Variants in RAB38 observed in about 807,000 individuals in gnomAD.
The protein encoded by RAB38 is RAB38, member RAS oncogene family.
A neutral mutation model predicts 18.4 loss-of-function variants in RAB38; 15 were observed. That is an observed-to-expected ratio of 0.82 (90% CI 0.55 to 1.26). RAB38 has a LOEUF of 1.26. RAB38 is among the 50% of genes most tolerant of loss of function. The pLI is 0.00. For synonymous variants in RAB38, 101 were observed against 104.4 expected, an observed-to-expected ratio of 0.97 and a Z score of 0.20; for missense variants, 294 against 267.4, an observed-to-expected ratio of 1.10 and a Z score of -0.69.
chr11:87,811,405 G>A, the RAB38 span, among the ~76,000 whole-genome samples: 8 of 152,170 alleles, frequency 5.3e-5, no homozygotes, highest in Non-Finnish European at 8.8e-5. Context: ...GGGGAACCAC[G>A]CTCATGCCTA....
At chr11:87,807,402 C>T in the RAB38 span, among the ~76,000 whole-genome samples, 65 of 152,250 alleles carry the variant, frequency 4.3e-4, no homozygotes, top group South Asian at 4.1e-3. Flanking sequence ...TACCAGAGTT[C>T]GAAAGTTTGA....
chr11:88,110,831 AAAAG>A (rs1320915490), downstream of RAB38, among the ~76,000 whole-genome samples: 2 of 151,696 alleles, frequency 1.3e-5, no homozygotes, highest in African/African-American at 2.4e-5. Context: ...AAAAAAAGAA[AAAAG>A]AAAAGAAAAG....
At chr11:87,849,954 A>G in the RAB38 span, among the ~76,000 whole-genome samples, 3 of 152,144 alleles carry the variant, frequency 2.0e-5, no homozygotes, top group African/African-American at 7.2e-5. Context: ...TCATATTTTA[A>G]TCAGCAACAA....
chr11:88,172,107 A>C (rs1298648779), intron 1 of RAB38, among the ~76,000 whole-genome samples: 1 of 152,250 alleles, frequency 6.6e-6, no homozygotes, highest in Non-Finnish European at 1.5e-5. Context: ...GCAAACAGCA[A>C]GGCTTGACTC....
chr11:88,143,345 G>T (rs1287922190), intron 2 of RAB38, among the ~76,000 whole-genome samples: 1 of 152,202 alleles, frequency 6.6e-6, no homozygotes, highest in African/African-American at 2.4e-5. Flanking sequence ...AGCATAAAGG[G>T]TCAGATGGTA....
the RAB38 span, among the ~76,000 whole-genome samples, chr11:87,914,418 C>T: frequency 6.6e-6 from 1 of 152,012 alleles, no homozygotes; most frequent in African/African-American, 2.4e-5. Flanking sequence ...GAGTGATGGA[C>T]TAGGATATCT....
the RAB38 span, among the ~76,000 whole-genome samples, chr11:88,005,676 G>A: frequency 6.7e-6 from 1 of 150,314 alleles, no homozygotes; most frequent in Non-Finnish European, 1.5e-5. Flanking sequence ...TCCTTGCCTA[G>A]AGCAATGTCT....
chr11:87,815,258 T>C, the RAB38 span: 8,853 of 152,244 alleles, frequency 0.058, 366 homozygotes, highest in Non-Finnish European at 0.084. Flanking sequence ...CAGAGATAAC[T>C]GTTAAGATGA....
the RAB38 span, among the ~76,000 whole-genome samples, chr11:87,976,921 TAATTA>T: frequency 4.1e-3 from 1 of 244 alleles, no homozygotes; most frequent in Non-Finnish European, 7.9e-3. Context: ...TTATATATTA[TAATTA>T]CATTATACAA....
intron 1 of RAB38, chr11:88,167,271 G>A (rs752439188): frequency 6.6e-6 from 1 of 152,108 alleles, no homozygotes; most frequent in East Asian, 1.9e-4. Context: ...GTATACTGGG[G>A]CCACTGTAAG....
chr11:88,149,720 G>A lies in RAB38; in HGVS notation c.438C>T (p.Phe146=). Residue 146 remains phenylalanine (F), a synonymous_variant, in exon 2 of 3, where the codon TTC becomes TTT. Transcript: ENST00000243662. ...ATCCTACGAAACCGTGCTCCTTGCA[G>A]AACTGGTCCATCTTGAGGCCATTGT... ...LMNNGLKMDQ[F]CKEHGFVGWF... is the part of the protein sequence containing the mutation. The A allele has an allele frequency of 6.2e-7, 1 of 1,614,146 alleles. No individual in the cohort carries two copies.
chr11:87,838,184 G>A, the RAB38 span, among the ~76,000 whole-genome samples: 1 of 151,234 alleles, frequency 6.6e-6, no homozygotes, highest in Non-Finnish European at 1.5e-5. Context: ...GCATGATCTC[G>A]GCTCACTGCA....
chr11:88,067,992 T>G, the RAB38 span, among the ~76,000 whole-genome samples: 1 of 147,866 alleles, frequency 6.8e-6, no homozygotes, highest in Non-Finnish European at 1.5e-5. Flanking sequence ...CTTATATATA[T>G]ACACATATCT....
At chr11:88,120,987 T>C (rs1453732332) in intron 2 of RAB38, among the ~76,000 whole-genome samples, 1 of 152,202 alleles carries the variant, frequency 6.6e-6, no homozygotes, top group African/African-American at 2.4e-5. Flanking sequence ...CAGAAAGTGA[T>C]CTGCCTAGCA....
At chr11:87,915,839 GGACT>G in the RAB38 span, among the ~76,000 whole-genome samples, 2 of 152,086 alleles carry the variant, frequency 1.3e-5, no homozygotes, top group African/African-American at 4.8e-5. Flanking sequence ...CCATGAGGTG[GGACT>G]GACTGCTTGA....
intron 1 of RAB38, among the ~76,000 whole-genome samples, chr11:88,159,792 C>T (rs953918910): frequency 1.3e-5 from 2 of 152,052 alleles, no homozygotes; most frequent in African/African-American, 2.4e-5. Flanking sequence ...AAGAATGATA[C>T]TGGACTCCTA....
intron 1 of RAB38, among the ~76,000 whole-genome samples, chr11:88,159,347 GA>G (rs150315241): frequency 0.13 from 20,377 of 151,014 alleles, 1,502 homozygotes; most frequent in Middle Eastern, 0.21. Context: ...TATAAACAAA[GA>G]AAAAAACATT....
the RAB38 span, among the ~76,000 whole-genome samples, chr11:87,858,567 G>T: frequency 6.6e-6 from 1 of 151,932 alleles, no homozygotes; most frequent in South Asian, 2.1e-4. Flanking sequence ...TTACAGACAG[G>T]TGCTCCACAC....
In RAB38 at chr11:88,174,881, T is replaced by A. The variant is rs34202569; in HGVS notation, c.202+302A>T. On this transcript the variant is annotated intron_variant, in intron 1 of 2. Transcript: ENST00000243662. ...CCCGCGCCCAGAAAACGAGCTGGAG[T>A]GGAGAACAGAATGCAATTGCAGACA... Among the ~76,000 whole-genome samples, 1,174 of 151,958 alleles carry A rather than the reference T, an allele frequency of 7.7e-3. 16 individuals are homozygous for A. Among genetic ancestry groups the A allele is most frequent in the African/African-American group, 0.027 (1,113 of 41,422 alleles).
Sources: gnomAD v4.1 joint callset for allele counts (sites outside exome capture counted in the v4.1 genomes callset) on GRCh38, gnomAD v4.1.1 for gene constraint, MANE v1.5 for transcripts, NCBI Gene and HGNC (gene_info 2026-07-23, HGNC 2026-07-21) for gene names.